CALN1: variants seen among roughly 807,000 people sequenced by gnomAD.
The protein encoded by CALN1 is calneuron 1.
Under a neutral mutation model 30.6 loss-of-function variants are expected in CALN1, and 17 were observed. That is an observed-to-expected ratio of 0.56 (90% CI 0.38 to 0.83). The LOEUF (loss-of-function observed/expected upper bound fraction) is 0.83, where lower values mean the gene tolerates loss of function less well. Ranked by LOEUF, CALN1 falls within the 40% of genes least tolerant of loss-of-function variation. The pLI is 0.00. For missense variants in CALN1, 291 were observed against 354.9 expected, an observed-to-expected ratio of 0.82 and a Z score of 1.45; for synonymous variants, 156 against 131.4, an observed-to-expected ratio of 1.19 and a Z score of -1.28.
intron 5 of CALN1, among the ~76,000 whole-genome samples, chr7:72,007,672 G>C (rs1158470102): frequency 6.6e-6 from 1 of 152,112 alleles, no homozygotes; most frequent in Admixed American, 6.6e-5. Context: ...ATGAGTGCGA[G>C]AGCCTTGTTT....
intron 3 of CALN1, among the ~76,000 whole-genome samples, chr7:72,200,146 C>T (rs1791321355): frequency 6.6e-6 from 1 of 152,074 alleles, no homozygotes. Context: ...TCAAAAAAAG[C>T]CAAATTAATA....
rs940246941 is a variant in CALN1 at position 72,121,961 on chromosome 7, C to T, written c.245-15667G>A. The stretch of plus-strand genomic sequence containing the variant: ...ATAATAGTTTGTTCTACAGAAAGAT[C>T]GACCTTTTCCCATGTTCCAGCAAAC... On this transcript the variant is annotated intron_variant, in intron 3 of 6. Coordinates refer to ENST00000395275, the MANE Select transcript of CALN1 (RefSeq NM_031468.4). Among the ~76,000 whole-genome samples the T allele has an allele frequency of 3.2e-4, 48 of 149,884 alleles. 1 individual carries two copies. Among genetic ancestry groups the T allele is most frequent in the African/African-American group, 1.1e-3 (46 of 40,894 alleles).
chr7:72,322,732 A>G (rs1002138333), intron 2 of CALN1, among the ~76,000 whole-genome samples: 4 of 152,080 alleles, frequency 2.6e-5, no homozygotes, highest in Non-Finnish European at 5.9e-5. Context: ...AAGAATGAAT[A>G]ATACCCTAGT....
chr7:71,960,822 T>G (rs1797212501), intron 5 of CALN1, among the ~76,000 whole-genome samples: 1 of 152,146 alleles, frequency 6.6e-6, no homozygotes, highest in Non-Finnish European at 1.5e-5. Context: ...TTTATTCTAA[T>G]TTAATTGTTT....
intron 1 of CALN1, among the ~76,000 whole-genome samples, chr7:72,426,993 T>C (rs1387583637): frequency 6.6e-6 from 1 of 152,194 alleles, no homozygotes; most frequent in African/African-American, 2.4e-5. Flanking sequence ...GCAATCTTTA[T>C]TTTTAAAGTG....
chr7:72,386,501 A>T (rs778143144), intron 2 of CALN1, among the ~76,000 whole-genome samples: 2 of 152,228 alleles, frequency 1.3e-5, no homozygotes, highest in Non-Finnish European at 2.9e-5. Flanking sequence ...AACTAGACCT[A>T]AACAAGCAAA....
intron 3 of CALN1, among the ~76,000 whole-genome samples, chr7:72,216,101 C>G (rs769240694): frequency 2.0e-5 from 3 of 152,124 alleles, no homozygotes; most frequent in Non-Finnish European, 4.4e-5. Context: ...AAAGACCCAA[C>G]TAACAAACTT....
At chr7:72,320,811 G>A in intron 2 of CALN1, among the ~76,000 whole-genome samples, 1 of 147,602 alleles carries the variant, frequency 6.8e-6, no homozygotes. Flanking sequence ...CTCTAGCCTG[G>A]GCGACAGAGC....
chr7:72,330,130 T>C (rs1427077970), intron 2 of CALN1, among the ~76,000 whole-genome samples: 1 of 151,746 alleles, frequency 6.6e-6, no homozygotes, highest in Non-Finnish European at 1.5e-5. Context: ...CCGTCTCTAC[T>C]AAAAATACAA....
chr7:72,031,351 A>G (rs952042422), intron 4 of CALN1, among the ~76,000 whole-genome samples: 14 of 152,202 alleles, frequency 9.2e-5, no homozygotes, highest in African/African-American at 3.4e-4. Context: ...ATAATAAATA[A>G]TAGGAACTAC....
chr7:72,205,566 A>ATATATACACACATATATATATATACT, intron 3 of CALN1, among the ~76,000 whole-genome samples: 1 of 115,644 alleles, frequency 8.6e-6, no homozygotes, highest in African/African-American at 3.7e-5. Context: ...ATATATATAT[A>ATATATACACACATATATATATATACT]TGTATATATA....
At chr7:72,025,601 G>A (rs1801003715) in intron 4 of CALN1, among the ~76,000 whole-genome samples, 1 of 152,160 alleles carries the variant, frequency 6.6e-6, no homozygotes, top group African/African-American at 2.4e-5. Flanking sequence ...ACAGACAAGA[G>A]CGAACCTTCA....
chr7:72,249,117 T>C (rs491413), intron 3 of CALN1, among the ~76,000 whole-genome samples: 110,625 of 152,098 alleles, frequency 0.73, 41,215 homozygotes, highest in East Asian at 1. Context: ...CGCAGAGTTC[T>C]GACTGACCTG....
chr7:72,005,059 C>T (rs1799700064), intron 5 of CALN1, among the ~76,000 whole-genome samples: 4 of 152,144 alleles, frequency 2.6e-5, no homozygotes, highest in Admixed American at 2.0e-4. Flanking sequence ...AAAATGCTAC[C>T]ATCACTGTGG....
intron 3 of CALN1, among the ~76,000 whole-genome samples, chr7:72,171,485 C>T (rs986504907): frequency 6.6e-6 from 1 of 152,040 alleles, no homozygotes; most frequent in African/African-American, 2.4e-5. Context: ...TTAAAAATTC[C>T]TAAAATGCAT....
At chr7:72,264,575 C>T (rs1194388629) in intron 3 of CALN1, among the ~76,000 whole-genome samples, 2 of 151,440 alleles carry the variant, frequency 1.3e-5, no homozygotes, top group African/African-American at 4.9e-5. Context: ...CTCATTGCAT[C>T]CTGGAACCTG....
intron 2 of CALN1, among the ~76,000 whole-genome samples, chr7:72,293,659 T>A (rs10253092): frequency 0.19 from 28,242 of 152,094 alleles, 3,664 homozygotes; most frequent in East Asian, 0.41. Context: ...CGTTTGGTAT[T>A]TTTTTTCTAT....
chr7:72,093,526 A>C (rs1270350131), intron 4 of CALN1, among the ~76,000 whole-genome samples: 1 of 152,164 alleles, frequency 6.6e-6, no homozygotes, highest in African/African-American at 2.4e-5. Flanking sequence ...CATTATGATT[A>C]ATTAACTGTC....
intron 3 of CALN1, among the ~76,000 whole-genome samples, chr7:72,147,481 G>GCTGTGGAGAAATAGGAAC (rs1563097906): frequency 9.9e-6 from 1 of 100,838 alleles, no homozygotes; most frequent in Non-Finnish European, 2.3e-5. Context: ...TGTTGGAGAG[G>GCTGTGGAGAAATAGGAAC]ACTGTTACAC....
Sources: gnomAD v4.1 joint callset for allele counts (sites outside exome capture counted in the v4.1 genomes callset) on GRCh38, gnomAD v4.1.1 for gene constraint, MANE v1.5 for transcripts, NCBI Gene and HGNC (gene_info 2026-07-23, HGNC 2026-07-21) for gene names.